The following UBE2K variants were observed in gnomAD, a reference collection of about 807,000 sequenced individuals.
The protein encoded by UBE2K is ubiquitin-conjugating enzyme E2 K.
Under a neutral mutation model 30.0 loss-of-function variants are expected in UBE2K, and 6 were observed. That is an observed-to-expected ratio of 0.20 (90% CI 0.11 to 0.39). The LOEUF (loss-of-function observed/expected upper bound fraction) is 0.39. UBE2K is among the 10% of genes least tolerant of loss of function. The pLI is 1.00. For synonymous variants in UBE2K, 86 were observed against 83.7 expected, an observed-to-expected ratio of 1.03 and a Z score of -0.15; for missense variants, 61 against 241.6, an observed-to-expected ratio of 0.25 and a Z score of 4.96.
At chr4:39,713,719 C>A (rs992804048) in intron 1 of UBE2K, 24 of 151,984 alleles carry the variant, frequency 1.6e-4, no homozygotes, top group African/African-American at 5.6e-4. Flanking sequence ...TCCCTATCCC[C>A]CTACCACCCA....
chr4:39,701,398 G>C (rs916798203), intron 1 of UBE2K, among the ~76,000 whole-genome samples: 1 of 152,132 alleles, frequency 6.6e-6, no homozygotes, highest in African/African-American at 2.4e-5. Context: ...ATAACTAGCT[G>C]CCATTTGTAG....
chr4:39,763,496 G>A (rs1311135589), intron 4 of UBE2K, among the ~76,000 whole-genome samples: 1 of 151,534 alleles, frequency 6.6e-6, no homozygotes, highest in Non-Finnish European at 1.5e-5. Flanking sequence ...GATCATCTGT[G>A]CACCTGACCT....
chr4:39,726,976 T>G (rs1019563631), intron 1 of UBE2K, among the ~76,000 whole-genome samples: 3 of 152,226 alleles, frequency 2.0e-5, no homozygotes, highest in African/African-American at 7.2e-5. Flanking sequence ...CAGTGAATAA[T>G]TCATTGTGGA....
chr4:39,746,372 A>G (rs1405310080), intron 3 of UBE2K, among the ~76,000 whole-genome samples: 1 of 152,136 alleles, frequency 6.6e-6, no homozygotes, highest in Admixed American at 6.5e-5. Flanking sequence ...ACCTAAACTT[A>G]TTTTTGGATT....
At position 39,782,123 on chromosome 4, in the gene UBE2K, T is replaced by TG; in HGVS notation, c.*3690dup. On this transcript the variant is annotated 3_prime_UTR_variant, in exon 7 of 7. Coordinates refer to ENST00000261427, the MANE Select transcript of UBE2K (RefSeq NM_005339.5). Reference sequence around the variant, plus strand: ...TTGGACTGATACACCCTCATGAACTTGCAATCACCTAAATGGAAGTCTTGA... The same window carrying TG: ...TTGGACTGATACACCCTCATGAACTTGGCAATCACCTAAATGGAAGTCTTGA... 1 of 394,682 alleles carries TG rather than the reference T, an allele frequency of 2.5e-6. No individual in the cohort carries two copies. The highest frequency in any genetic ancestry group is 4.5e-6 in the Non-Finnish European group (1 of 223,806). 24.4% of individuals were successfully genotyped at this position (394,682 alleles called of 1,614,324 possible).
intron 4 of UBE2K, among the ~76,000 whole-genome samples, chr4:39,760,624 G>A (rs1484543807): frequency 6.6e-6 from 1 of 152,130 alleles, no homozygotes; most frequent in Non-Finnish European, 1.5e-5. Flanking sequence ...ATAGCCCAGC[G>A]CAGTGGCTCA....
At chr4:39,754,149 G>A (rs565022415) in intron 3 of UBE2K, among the ~76,000 whole-genome samples, 10 of 152,222 alleles carry the variant, frequency 6.6e-5, no homozygotes, top group South Asian at 2.1e-4. Context: ...GTTTTGGTGC[G>A]GAAAATAAAT....
chr4:39,741,541 C>T (rs571427985), intron 2 of UBE2K, among the ~76,000 whole-genome samples: 3 of 152,162 alleles, frequency 2.0e-5, no homozygotes, highest in African/African-American at 7.2e-5. Context: ...AACTTAAATG[C>T]TAAAGCAAAA....
intron 1 of UBE2K, among the ~76,000 whole-genome samples, chr4:39,719,599 A>G (rs1260562346): frequency 6.6e-6 from 1 of 152,186 alleles, no homozygotes; most frequent in Non-Finnish European, 1.5e-5. Context: ...AGTGATTAGA[A>G]ATGTAGGACC....
At chr4:39,716,394 T>C (rs1719062867) in intron 1 of UBE2K, among the ~76,000 whole-genome samples, 1 of 152,166 alleles carries the variant, frequency 6.6e-6, no homozygotes, top group African/African-American at 2.4e-5. Context: ...ATTACAGGCA[T>C]TTGCCACCAT....
intron 4 of UBE2K, among the ~76,000 whole-genome samples, chr4:39,773,460 T>TC (rs1336097792): frequency 6.6e-6 from 1 of 151,860 alleles, no homozygotes. Flanking sequence ...AGAGTGAGAC[T>TC]CCATCTCAAG....
chr4:39,728,827 G>GTTTTTTTTTTTTTT (rs372834149), intron 1 of UBE2K, among the ~76,000 whole-genome samples: 5 of 128,660 alleles, frequency 3.9e-5, no homozygotes, highest in East Asian at 2.1e-4. Context: ...TGTTTTTTTT[G>GTTTTTTTTTTTTTT]TTTTTTTTTT....
chr4:39,724,336 C>T (rs1037709967), intron 1 of UBE2K, among the ~76,000 whole-genome samples: 1 of 151,876 alleles, frequency 6.6e-6, no homozygotes, highest in Non-Finnish European at 1.5e-5. Flanking sequence ...TCTCAAACTC[C>T]TGGGTGAATC....
intron 1 of UBE2K, chr4:39,714,542 A>ATTTTTTTTTTTTTTT (rs1275060030): frequency 2.0e-4 from 4 of 20,194 alleles, no homozygotes; most frequent in Non-Finnish European, 3.0e-4. Flanking sequence ...ATATATATAT[A>ATTTTTTTTTTTTTTT]TATATATATT....
At chr4:39,724,168 C>T (rs370931228) in intron 1 of UBE2K, among the ~76,000 whole-genome samples, 42 of 148,658 alleles carry the variant, frequency 2.8e-4, no homozygotes, top group African/African-American at 9.7e-4. Context: ...AGTACGGTGG[C>T]ACAATCATGG....
intron 1 of UBE2K, among the ~76,000 whole-genome samples, chr4:39,702,750 A>C (rs768459254): frequency 1.2e-4 from 18 of 152,206 alleles, no homozygotes; most frequent in Admixed American, 4.6e-4. Flanking sequence ...TAAATCTCTA[A>C]AAGTAAGTCT....
rs766410387 is a variant in UBE2K at position 39,770,522 on chromosome 4, C to G, written c.300-4312C>G. The G allele has an allele frequency of 1.0e-5, 16 of 1,604,914 alleles. No homozygotes were observed. In the African/African-American group the frequency reaches 1.2e-4, roughly 12 times the overall value. On this transcript the variant is annotated intron_variant, in intron 4 of 6. Transcript: ENST00000261427. ...CAGGCAGGGGTCCCTGGCTGCCCCC[C>G]GCCCCCCGGGCAACCATGGCCGCCG...
At chr4:39,775,698 G>T (rs1713243364) in intron 5 of UBE2K, among the ~76,000 whole-genome samples, 2 of 152,144 alleles carry the variant, frequency 1.3e-5, no homozygotes, top group African/African-American at 4.8e-5. Flanking sequence ...GTTGCAGTGA[G>T]CTGAGATCAC....
intron 4 of UBE2K, chr4:39,761,123 G>T (rs938105554): frequency 2.0e-5 from 3 of 152,142 alleles, no homozygotes; most frequent in Non-Finnish European, 2.9e-5. Context: ...CATTAAGTTG[G>T]GCATAAGTAT....
Sources: allele counts gnomAD v4.1 joint callset (sites outside exome capture counted in the v4.1 genomes callset), GRCh38; gene constraint gnomAD v4.1.1; transcripts MANE v1.5; gene names NCBI Gene and HGNC (gene_info 2026-07-23, HGNC 2026-07-21).